PHACTR4: variants seen among roughly 807,000 people sequenced by gnomAD.
PHACTR4 encodes protein phosphatase 1, regulatory subunit 124.
Under a neutral mutation model 72.7 loss-of-function variants are expected in PHACTR4, and 51 were observed. That is an observed-to-expected ratio of 0.70 (90% CI 0.56 to 0.89). PHACTR4 has a LOEUF of 0.89. Ranked by LOEUF, PHACTR4 falls within the 40% of genes least tolerant of loss-of-function variation. The pLI, the probability that PHACTR4 is intolerant of heterozygous loss-of-function variation, is 0.00. For missense variants in PHACTR4, 731 were observed against 861.8 expected (o/e 0.85, Z 1.90); for synonymous variants, 255 against 302.5 (o/e 0.84, Z 1.63).
chr1:28,487,727 G>GTTGTTTTTTTTTTT (rs1660774578), intron 9 of PHACTR4, among the ~76,000 whole-genome samples: 2 of 63,308 alleles, frequency 3.2e-5, no homozygotes, highest in African/African-American at 1.1e-4. Flanking sequence ...GTTTTTTGTT[G>GTTGTTTTTTTTTTT]TTTTTTTTTT....
chr1:28,409,889 C>G (rs1021196808), intron 2 of PHACTR4, among the ~76,000 whole-genome samples: 1 of 150,644 alleles, frequency 6.6e-6, no homozygotes, highest in Non-Finnish European at 1.5e-5. Flanking sequence ...TCAATTAGAT[C>G]CATCATCAAT....
chr1:28,465,811 G>A lies in PHACTR4; in HGVS notation c.398G>A (p.Arg133Lys), dbSNP rs544000634. Reference sequence around the variant, plus strand: ...GAGCCAGTAAGATTAGCAAGTCTTAGGAAAGCTATTCCAGAAGAGGACCTA... The same window carrying A: ...GAGCCAGTAAGATTAGCAAGTCTTAAGAAAGCTATTCCAGAAGAGGACCTA... ...EEEPVRLASL[R>K]KAIPEEDLKK... Residue 133 changes from arginine (R) to lysine (K), a missense_variant, in exon 5 of 14, where the codon AGG (arginine) becomes AAG (lysine). Coordinates refer to ENST00000373839, the MANE Select transcript of PHACTR4 (RefSeq NM_001048183.3). 3.7e-6 allele frequency: 6 copies of A among 1,613,112 alleles called. No homozygotes were observed. The African/African-American group carries it at 4.0e-5, about 11-fold the overall frequency.
chr1:28,424,110 A>G (rs1569903389), intron 2 of PHACTR4, among the ~76,000 whole-genome samples: 1 of 152,240 alleles, frequency 6.6e-6, no homozygotes, highest in Non-Finnish European at 1.5e-5. Context: ...AAAAACTGGT[A>G]GTGCTGCAGT....
At chr1:28,430,096 T>C (rs1656146661) in intron 2 of PHACTR4, among the ~76,000 whole-genome samples, 1 of 151,848 alleles carries the variant, frequency 6.6e-6, no homozygotes, top group African/African-American at 2.4e-5. Context: ...GATCTCGGCT[T>C]ACTGCAAGCT....
In PHACTR4 at chr1:28,450,974, C is replaced by CTTTT. The variant is rs1188704308; in HGVS notation, c.17-8094_17-8091dup. On this transcript the variant is annotated intron_variant, in intron 2 of 13. Coordinates refer to ENST00000373839, the MANE Select transcript of PHACTR4 (RefSeq NM_001048183.3). ...TACAGGCATGTACCACCACACCCAG[C>CTTTT]TTTTTTTTTTTTTTTTTTTTGTATT... Among the ~76,000 whole-genome samples the CTTTT allele has an allele frequency of 6.5e-4, 47 of 72,048 alleles. 2 individuals are homozygous for CTTTT. Among genetic ancestry groups the CTTTT allele is most frequent in the Admixed American group, 3.3e-3 (22 of 6,604 alleles). 47.3% of individuals were successfully genotyped at this position (72,048 alleles called of 152,430 possible).
intron 4 of PHACTR4, among the ~76,000 whole-genome samples, chr1:28,464,534 C>T (rs1176736486): frequency 2.6e-5 from 4 of 152,126 alleles, no homozygotes; most frequent in Non-Finnish European, 5.9e-5. Context: ...GGTAACATAG[C>T]AAGACCATCT....
intron 1 of PHACTR4, among the ~76,000 whole-genome samples, chr1:28,391,260 G>A (rs1205888401): frequency 2.7e-5 from 4 of 150,240 alleles, no homozygotes; most frequent in Non-Finnish European, 5.9e-5. Context: ...TTAGCCGGGC[G>A]TGGTGGTGGG....
At chr1:28,488,924 G>A (rs943346604) in intron 9 of PHACTR4, among the ~76,000 whole-genome samples, 1 of 152,096 alleles carries the variant, frequency 6.6e-6, no homozygotes, top group Non-Finnish European at 1.5e-5. Context: ...TCTTATCAAG[G>A]TCTAGAACTA....
chr1:28,496,389 T>G, intron 13 of PHACTR4, 145 bp from the exon 14 acceptor site: 1 of 815,592 alleles, frequency 1.2e-6, no homozygotes, highest in Non-Finnish European at 2.0e-6. Context: ...AGATGAGGAG[T>G]ATCAGATGCA....
intron 1 of PHACTR4, among the ~76,000 whole-genome samples, chr1:28,398,590 A>ATG (rs1206023183): frequency 6.6e-6 from 1 of 151,872 alleles, no homozygotes; most frequent in East Asian, 1.9e-4. Context: ...AGGCTAAGGC[A>ATG]GGCGGATCGC....
At chr1:28,431,192 C>A (rs187003526) in intron 2 of PHACTR4, among the ~76,000 whole-genome samples, 51,251 of 134,628 alleles carry the variant, frequency 0.38, 11,101 homozygotes, top group African/African-American at 0.59. Flanking sequence ...AAAAAAAAAA[C>A]CAAAATATAT....
At chr1:28,411,869 G>A (rs1053848027) in intron 2 of PHACTR4, among the ~76,000 whole-genome samples, 2 of 134,034 alleles carry the variant, frequency 1.5e-5, no homozygotes, top group African/African-American at 6.5e-5. Context: ...AAGAAAGAAC[G>A]AATGAACAAA....
intron 1 of PHACTR4, 84 bp from the exon 2 acceptor site, chr1:28,407,326 C>A: frequency 5.1e-6 from 3 of 592,282 alleles, no homozygotes; most frequent in Non-Finnish European, 8.6e-6. Flanking sequence ...GTCAATGTTA[C>A]TGAATTAGGA....
At chr1:28,432,409 C>G (rs1189820542) in intron 2 of PHACTR4, among the ~76,000 whole-genome samples, 1 of 109,442 alleles carries the variant, frequency 9.1e-6, no homozygotes, top group Non-Finnish European at 1.9e-5. Context: ...TTAAATTTTT[C>G]TCCCACTAGG....
At chr1:28,377,213 C>T (rs1651749569) in intron 1 of PHACTR4, among the ~76,000 whole-genome samples, 1 of 150,818 alleles carries the variant, frequency 6.6e-6, no homozygotes, top group South Asian at 2.1e-4. Flanking sequence ...GGTAGGATTA[C>T]AGGCGTGAGC....
At chr1:28,407,206 A>G (rs1654398947) in intron 1 of PHACTR4, among the ~76,000 whole-genome samples, 1 of 151,810 alleles carries the variant, frequency 6.6e-6, no homozygotes, top group Non-Finnish European at 1.5e-5. Flanking sequence ...CTTGAGCCCA[A>G]GAATTAAAAT....
intron 2 of PHACTR4, among the ~76,000 whole-genome samples, chr1:28,444,110 T>C (rs1657249502): frequency 6.6e-6 from 1 of 152,098 alleles, no homozygotes; most frequent in Non-Finnish European, 1.5e-5. Context: ...TTTTGTCTTT[T>C]TGATAATAGC....
chr1:28,401,058 A>T (rs914728096), intron 1 of PHACTR4, among the ~76,000 whole-genome samples: 1 of 152,046 alleles, frequency 6.6e-6, no homozygotes, highest in African/African-American at 2.4e-5. Flanking sequence ...AACTCCCCTT[A>T]GGTGGGAGGA....
At chr1:28,454,801 A>C (rs959315310) in intron 2 of PHACTR4, among the ~76,000 whole-genome samples, 1 of 152,176 alleles carries the variant, frequency 6.6e-6, no homozygotes, top group African/African-American at 2.4e-5. Flanking sequence ...TTTATTTGCA[A>C]CTTGGACCAT....
Sources: allele counts gnomAD v4.1 joint callset (sites outside exome capture counted in the v4.1 genomes callset), GRCh38; gene constraint gnomAD v4.1.1; transcripts MANE v1.5; gene names NCBI Gene and HGNC (gene_info 2026-07-23, HGNC 2026-07-21).